POLN: variants seen among roughly 807,000 people sequenced by gnomAD.
The protein encoded by POLN is DNA polymerase nu.
POLN carries 108 observed loss-of-function variants against 113.5 expected under a neutral mutation model. The ratio of observed to expected loss-of-function variants is 0.95; its 90% CI spans 0.81 to 1.12. The LOEUF is 1.12. POLN is among the 50% of genes most tolerant of loss of function. The pLI is 0.00. For missense variants in POLN, 1,097 were observed against 1,077.1 expected, an observed-to-expected ratio of 1.02 and a Z score of -0.26; for synonymous variants, 386 against 391.5, an observed-to-expected ratio of 0.99 and a Z score of 0.17.
At position 2,127,460 on chromosome 4, in the gene POLN, G is replaced by A. The variant is rs149202684; in HGVS notation, c.1982+653C>T. ...AGTGGGTATAGCTGTTGTCTGCACC[G>A]GGCTCTCCAAGAGCACCTTGACTTT... is the stretch of plus-strand genomic sequence containing the variant. On this transcript the variant is annotated intron_variant, in intron 19 of 25. Coordinates refer to ENST00000511885, the MANE Select transcript of POLN (RefSeq NM_181808.4). The surrounding 1 kb of genome is among the most constrained non-coding windows in gnomAD (Gnocchi z 4.7). 3.3e-5 allele frequency among the ~76,000 whole-genome samples: 5 copies of A among 152,164 alleles called. No individual in the cohort carries two copies. The highest frequency in any genetic ancestry group is 4.8e-5 in the African/African-American group (2 of 41,524).
intron 2 of POLN, among the ~76,000 whole-genome samples, chr4:2,237,142 T>C (rs1444167088): frequency 6.6e-6 from 1 of 152,070 alleles, no homozygotes. Context: ...TCTCATAGAA[T>C]ATAACTATGA....
chr4:2,210,582 AAATAATAATAAT>A (rs376506693), intron 4 of POLN, among the ~76,000 whole-genome samples: 5,086 of 121,112 alleles, frequency 0.042, 126 homozygotes, highest in Admixed American at 0.054. Flanking sequence ...GAAAGTCTCA[AAATAATAATAAT>A]AATAATAATA....
At chr4:2,091,796 T>TGCGC (rs200447642) in intron 20 of POLN, among the ~76,000 whole-genome samples, 1,359 of 134,062 alleles carry the variant, frequency 0.01, 12 homozygotes, top group Middle Eastern at 0.035. Flanking sequence ...TGTGTGTGTG[T>TGCGC]GTGTGCGCGC....
intron 5 of POLN, among the ~76,000 whole-genome samples, chr4:2,199,145 A>G (rs1354891457): frequency 1.2e-4 from 18 of 152,218 alleles, no homozygotes; most frequent in Admixed American, 1.1e-3. Context: ...TATTCTAGCA[A>G]TAAACATGTG....
chr4:2,101,809 C>T (rs1182591326), intron 19 of POLN, among the ~76,000 whole-genome samples: 1 of 152,194 alleles, frequency 6.6e-6, no homozygotes, highest in East Asian at 1.9e-4. Flanking sequence ...GCTGCAGCCA[C>T]CATCGTTGAA....
At position 2,081,084 on chromosome 4, in the gene POLN, T is replaced by C. The variant is rs376501753; in HGVS notation, c.2309-48A>G. ...TTGAGGTCCCATGGCACACGGTTCA[T>C]GGTGCACTCAGCATTCTGCACCATC... On this transcript the variant is annotated intron_variant, in intron 22 of 25. Transcript: ENST00000511885. 1.9e-6 allele frequency: 3 copies of C among 1,612,530 alleles called. No individual in the cohort carries two copies. In the South Asian group the frequency reaches 3.3e-5, roughly 18 times the overall value.
Position 2,240,981 on chromosome 4 carries a change from T to C in POLN, c.-13+539A>G, listed in dbSNP as rs377598959. Reference sequence around the variant, plus strand: ...TACCCCAATTTTGTTGTATCTGATATGGGTTTACGGTGTTGATTTTTAGAA... The same window carrying C: ...TACCCCAATTTTGTTGTATCTGATACGGGTTTACGGTGTTGATTTTTAGAA... On this transcript the variant is annotated intron_variant, in intron 2 of 25. Coordinates refer to ENST00000511885, the MANE Select transcript of POLN (RefSeq NM_181808.4). The C allele has an allele frequency of 1.1e-5, 16 of 1,489,920 alleles. No individual in the cohort carries two copies. The African/African-American group carries it at 1.3e-4, about 12-fold the overall frequency. 92.3% of individuals were successfully genotyped at this position (1,489,920 alleles called of 1,614,324 possible).
chr4:2,110,429 C>T (rs1229250875), intron 19 of POLN, among the ~76,000 whole-genome samples: 2 of 151,988 alleles, frequency 1.3e-5, no homozygotes, highest in Non-Finnish European at 2.9e-5. Context: ...AAAAACCCTT[C>T]AAAAAATGAA....
intron 19 of POLN, among the ~76,000 whole-genome samples, chr4:2,099,168 T>C (rs1010511244): frequency 6.6e-6 from 1 of 152,228 alleles, no homozygotes; most frequent in Non-Finnish European, 1.5e-5. Flanking sequence ...ATAATGTATA[T>C]AGATACCCTG....
chr4:2,180,918 C>T (rs931354633), intron 7 of POLN, among the ~76,000 whole-genome samples: 1 of 151,808 alleles, frequency 6.6e-6, no homozygotes, highest in African/African-American at 2.4e-5. Flanking sequence ...AGAGTAAAAC[C>T]TGTAAAAAAG....
intron 5 of POLN, among the ~76,000 whole-genome samples, chr4:2,201,276 C>CAAAAAAA (rs1733704460): frequency 1.5e-3 from 1 of 684 alleles, no homozygotes; most frequent in Admixed American, 0.028. Context: ...CCCTACCACT[C>CAAAAAAA]CAAAAAAAAA....
intron 3 of POLN, among the ~76,000 whole-genome samples, chr4:2,223,321 C>T (rs1314152848): frequency 6.6e-6 from 1 of 152,154 alleles, no homozygotes; most frequent in African/African-American, 2.4e-5. Context: ...AGGAGGAGAG[C>T]AGCAGGTGAG....
intron 19 of POLN, among the ~76,000 whole-genome samples, chr4:2,121,821 T>C (rs1349442788): frequency 6.6e-6 from 1 of 152,022 alleles, no homozygotes; most frequent in South Asian, 2.1e-4. Flanking sequence ...TCTATTGTTT[T>C]CCTATTGTCA....
chr4:2,171,018 A>G, intron 12 of POLN, 80 bp downstream of exon 12: 1 of 1,264,786 alleles, frequency 7.9e-7, no homozygotes, highest in Non-Finnish European at 1.1e-6. Context: ...ATAAAATAAT[A>G]CTTATAAATT....
At chr4:2,115,350 G>A (rs1034623950) in intron 19 of POLN, among the ~76,000 whole-genome samples, 3 of 151,674 alleles carry the variant, frequency 2.0e-5, no homozygotes, top group South Asian at 2.1e-4. Flanking sequence ...TTACAGGCAT[G>A]AGCCACTGTG....
chr4:2,216,786 T>A (rs1029815274), intron 3 of POLN, among the ~76,000 whole-genome samples: 2 of 152,190 alleles, frequency 1.3e-5, no homozygotes, highest in African/African-American at 4.8e-5. Flanking sequence ...ACTGTTTCCC[T>A]CCAAGGAAGG....
chr4:2,179,610 T>C, intron 7 of POLN, 145 bp from the exon 8 acceptor site: 1 of 881,260 alleles, frequency 1.1e-6, no homozygotes, highest in East Asian at 2.7e-5. Context: ...TGACTTTCCA[T>C]TATTCTCCAG....
At position 2,215,042 on chromosome 4, in the gene POLN, T is replaced by G. The variant is rs1046017683; in HGVS notation, c.134-1916A>C. Among the ~76,000 whole-genome samples, 21 of 152,274 alleles carry G rather than the reference T, an allele frequency of 1.4e-4. No individual in the cohort carries two copies. The East Asian group carries it at 3.7e-3, about 27-fold the overall frequency. ...AATCTCTAACCAAATAATCTCACTC[T>G]TGGCTGTTTCACAGAAATATATGCA... is the stretch of plus-strand genomic sequence containing the variant. On this transcript the variant is annotated intron_variant, in intron 3 of 25. Transcript: ENST00000511885.
At chr4:2,160,119 T>C (rs562439148) in intron 13 of POLN, among the ~76,000 whole-genome samples, 8 of 152,350 alleles carry the variant, frequency 5.3e-5, no homozygotes, top group Admixed American at 5.2e-4. Context: ...TGCCAATGTA[T>C]GTCATCACTG....
Sources: allele counts gnomAD v4.1 joint callset (sites outside exome capture counted in the v4.1 genomes callset), GRCh38; gene constraint gnomAD v4.1.1; non-coding constraint Gnocchi (gnomAD v3.1); transcripts MANE v1.5; gene names NCBI Gene and HGNC (gene_info 2026-07-23, HGNC 2026-07-21).